PRKCA: variants seen among roughly 807,000 people sequenced by gnomAD.
The protein encoded by PRKCA is protein kinase C alpha type.
Under a neutral mutation model 87.0 loss-of-function variants are expected in PRKCA, and 27 were observed. The observed-to-expected ratio is 0.31, with a 90% confidence interval of 0.23 to 0.43. The LOEUF is 0.43. PRKCA is among the 20% of genes least tolerant of loss of function. The pLI is 1.00. For missense variants in PRKCA, 518 were observed against 852.3 expected (o/e 0.61, Z 4.88); for synonymous variants, 329 against 311.1 (o/e 1.06, Z -0.61).
intron 3 of PRKCA, among the ~76,000 whole-genome samples, chr17:66,623,145 G>A (rs755136478): frequency 2.0e-5 from 3 of 152,220 alleles, no homozygotes; most frequent in Admixed American, 6.5e-5. Context: ...GTACCAGAAT[G>A]CCTGTGTTAT....
rs1974002374 is a variant in PRKCA at position 66,735,472 on chromosome 17, T to A, written c.1057-17T>A. 2 of 1,614,138 alleles carry A rather than the reference T, an allele frequency of 1.2e-6. No individual in the cohort carries two copies. Among genetic ancestry groups the A allele is most frequent in the Non-Finnish European group, 1.7e-6 (2 of 1,180,026 alleles). ...ATGTGCTTACAAGTGTTCAGGTTGT[T>A]CTTGACGTGTTCTCAGGTGATGCTT... On this transcript the variant is annotated splice_polypyrimidine_tract_variant and intron_variant, in intron 9 of 16. Transcript: ENST00000413366.
chr17:66,491,992 T>A (rs1916265867), intron 2 of PRKCA, among the ~76,000 whole-genome samples: 1 of 152,234 alleles, frequency 6.6e-6, no homozygotes, highest in African/African-American at 2.4e-5. Context: ...AGAGGGGGCA[T>A]CTACACTTTT....
In PRKCA at chr17:66,462,902, A is replaced by G. The variant is rs1476752053; in HGVS notation, c.206-33299A>G. Among the ~76,000 whole-genome samples the G allele has an allele frequency of 4.6e-5, 7 of 151,614 alleles. No individual in the cohort carries two copies. The East Asian group carries it at 1.4e-3, about 29-fold the overall frequency. On this transcript the variant is annotated intron_variant, in intron 2 of 16. Transcript: ENST00000413366. ...GAAGAAGAATTACAAAGACATGCAC[A>G]CACATGCACGTGCACACATGCAAAC...
intron 5 of PRKCA, among the ~76,000 whole-genome samples, chr17:66,657,194 A>T: frequency 6.6e-6 from 1 of 152,190 alleles, no homozygotes. Flanking sequence ...CCCATGAGGG[A>T]CTTTTTATAC....
chr17:66,660,832 C>A (rs1453892014), intron 5 of PRKCA, among the ~76,000 whole-genome samples: 1 of 152,042 alleles, frequency 6.6e-6, no homozygotes, highest in African/African-American at 2.4e-5. Context: ...TGGCATGAAC[C>A]CGGGAGGCAG....
chr17:66,791,926 T>C (rs1468996417), intron 16 of PRKCA, among the ~76,000 whole-genome samples: 1 of 152,230 alleles, frequency 6.6e-6, no homozygotes, highest in Admixed American at 6.5e-5. Context: ...AAAAGTGAAA[T>C]GTGTTTACAG....
At chr17:66,752,496 G>T (rs961265596) in intron 13 of PRKCA, among the ~76,000 whole-genome samples, 9 of 152,208 alleles carry the variant, frequency 5.9e-5, no homozygotes, top group African/African-American at 2.2e-4. Context: ...TACTCAGGAG[G>T]TTGAGGCAGG....
chr17:66,734,574 G>T (rs1268460689), intron 9 of PRKCA, among the ~76,000 whole-genome samples: 1 of 152,160 alleles, frequency 6.6e-6, no homozygotes, highest in African/African-American at 2.4e-5. Context: ...GTGCGTTTTG[G>T]CTGGCTTCTT....
At chr17:66,379,183 G>A (rs1333803191) in intron 2 of PRKCA, among the ~76,000 whole-genome samples, 1 of 152,110 alleles carries the variant, frequency 6.6e-6, no homozygotes, top group East Asian at 1.9e-4. Flanking sequence ...GACTGAAATT[G>A]CTGGATCATA....
intron 3 of PRKCA, among the ~76,000 whole-genome samples, chr17:66,560,880 C>G (rs145977671): frequency 1.3e-5 from 2 of 152,200 alleles, no homozygotes; most frequent in East Asian, 3.9e-4. Context: ...CCTGTCCACC[C>G]TTGCCTTTGG....
At chr17:66,682,703 G>A (rs1338485684) in intron 5 of PRKCA, among the ~76,000 whole-genome samples, 1 of 134,168 alleles carries the variant, frequency 7.5e-6, no homozygotes, top group Non-Finnish European at 1.7e-5. Flanking sequence ...TAAGTAGTGT[G>A]ATTTTGTTGT....
chr17:66,712,396 C>T (rs1285855147), intron 8 of PRKCA, among the ~76,000 whole-genome samples: 1 of 152,164 alleles, frequency 6.6e-6, no homozygotes, highest in African/African-American at 2.4e-5. Context: ...ATGTTGAAAA[C>T]TTTGTTATTC....
chr17:66,390,783 C>T (rs1371089778), intron 2 of PRKCA, among the ~76,000 whole-genome samples: 1 of 152,190 alleles, frequency 6.6e-6, no homozygotes, highest in Non-Finnish European at 1.5e-5. Context: ...GAAGAGAATT[C>T]CCTATGGGGT....
intron 13 of PRKCA, among the ~76,000 whole-genome samples, chr17:66,748,470 A>G (rs1409479467): frequency 6.6e-6 from 1 of 152,200 alleles, no homozygotes; most frequent in East Asian, 1.9e-4. Flanking sequence ...AAGGATGTCC[A>G]TAGAGGTGGA....
At chr17:66,384,173 G>A (rs1407815450) in intron 2 of PRKCA, among the ~76,000 whole-genome samples, 2 of 152,066 alleles carry the variant, frequency 1.3e-5, no homozygotes, top group South Asian at 4.2e-4. Flanking sequence ...ACTTCTGCCC[G>A]CACTTTAGGG....
At chr17:66,702,730 G>A (rs1267341828) in intron 8 of PRKCA, among the ~76,000 whole-genome samples, 2 of 152,116 alleles carry the variant, frequency 1.3e-5, no homozygotes, top group African/African-American at 2.4e-5. Context: ...ATACAGGGAT[G>A]CCTTCTGAAA....
chr17:66,347,260 C>G (rs2143397098), intron 2 of PRKCA, among the ~76,000 whole-genome samples: 1 of 152,210 alleles, frequency 6.6e-6, no homozygotes, highest in East Asian at 1.9e-4. Flanking sequence ...GTTTTACATC[C>G]CTCTTCTGTC....
intron 3 of PRKCA, among the ~76,000 whole-genome samples, chr17:66,616,539 CAG>C (rs1391636491): frequency 1.3e-5 from 2 of 152,316 alleles, no homozygotes; most frequent in Middle Eastern, 3.4e-3. Context: ...TGGGGGCACA[CAG>C]AGTGAGTAAG....
chr17:66,327,060 C>A (rs1906020633), intron 2 of PRKCA, among the ~76,000 whole-genome samples: 1 of 151,794 alleles, frequency 6.6e-6, no homozygotes, highest in Non-Finnish European at 1.5e-5. Flanking sequence ...CCAAGTGATA[C>A]CCTGTCTCTT....
Sources: gnomAD v4.1 joint callset for allele counts (sites outside exome capture counted in the v4.1 genomes callset) on GRCh38, gnomAD v4.1.1 for gene constraint, MANE v1.5 for transcripts, NCBI Gene and HGNC (gene_info 2026-07-23, HGNC 2026-07-21) for gene names.